Variants in PIEZO2 observed in about 807,000 individuals in gnomAD.
The protein encoded by PIEZO2 is piezo-type mechanosensitive ion channel component 2.
In PIEZO2, 172 loss-of-function variants were observed where a neutral mutation model predicts 337.3. The ratio of observed to expected loss-of-function variants is 0.51; its 90% CI spans 0.45 to 0.58. The LOEUF is 0.58. Ranked by LOEUF, PIEZO2 falls within the 20% of genes least tolerant of loss-of-function variation. The pLI is 0.00. For synonymous variants in PIEZO2, 1,251 were observed against 1,228.5 expected (o/e 1.02, Z -0.38); for missense variants, 3,028 against 3,391.3 (o/e 0.89, Z 2.66).
chr18:10,747,439 TG>T (rs1267581711), intron 30 of PIEZO2, among the ~76,000 whole-genome samples: 2 of 152,248 alleles, frequency 1.3e-5, no homozygotes, highest in Non-Finnish European at 1.5e-5. Context: ...AAATACCAGC[TG>T]TTTATATACA....
chr18:10,702,265 G>T, intron 42 of PIEZO2, 94 bp from the exon 43 acceptor site: 4 of 1,227,414 alleles, frequency 3.3e-6, no homozygotes, highest in Non-Finnish European at 4.4e-6. Flanking sequence ...TTAAGAAAGA[G>T]ACCCGCATTT....
intron 3 of PIEZO2, among the ~76,000 whole-genome samples, chr18:10,955,839 C>T (rs1409075641): frequency 6.6e-6 from 1 of 152,150 alleles, no homozygotes; most frequent in Admixed American, 6.6e-5. Flanking sequence ...TAGAACACTC[C>T]TTGAGAGCAA....
At chr18:11,036,231 A>G (rs1020557749) in intron 2 of PIEZO2, among the ~76,000 whole-genome samples, 2 of 152,216 alleles carry the variant, frequency 1.3e-5, no homozygotes, top group Admixed American at 6.5e-5. Flanking sequence ...AAGAGGTTAT[A>G]AGAATGTGGT....
At chr18:10,777,902 T>C (rs181292767) in intron 18 of PIEZO2, among the ~76,000 whole-genome samples, 37 of 152,362 alleles carry the variant, frequency 2.4e-4, no homozygotes, top group Non-Finnish European at 4.6e-4. Context: ...GGTTTGTGAA[T>C]TGAATATTAC....
intron 7 of PIEZO2, among the ~76,000 whole-genome samples, chr18:10,812,442 G>A (rs1466760622): frequency 6.6e-6 from 1 of 152,122 alleles, no homozygotes; most frequent in Non-Finnish European, 1.5e-5. Context: ...CTTATTACCT[G>A]GGTGATGAAA....
chr18:11,142,325 A>T (rs982395566), intron 1 of PIEZO2, among the ~76,000 whole-genome samples: 11 of 152,252 alleles, frequency 7.2e-5, no homozygotes, highest in African/African-American at 2.7e-4. Flanking sequence ...GACAGTTAAG[A>T]AATTATGAAA....
intron 8 of PIEZO2, among the ~76,000 whole-genome samples, chr18:10,804,238 A>C (rs897870223): frequency 6.6e-6 from 1 of 152,248 alleles, no homozygotes; most frequent in Non-Finnish European, 1.5e-5. Flanking sequence ...AATATGCTCC[A>C]TTGTTAAATA....
intron 2 of PIEZO2, among the ~76,000 whole-genome samples, chr18:10,995,801 C>T (rs2035301127): frequency 6.6e-6 from 1 of 152,108 alleles, no homozygotes; most frequent in Non-Finnish European, 1.5e-5. Flanking sequence ...GGCCACTATG[C>T]TGATTCTCTG....
At position 10,770,128 on chromosome 18, in the gene PIEZO2, T is replaced by C. The variant is rs1051878383; in HGVS notation, c.2946+20A>G. ...ACTGTGGTTCTGTTCAGCCTGATGA[T>C]AGGACAAATGTTCACTTGCCTCTTT... On this transcript the variant is annotated intron_variant, in intron 21 of 55. Transcript: ENST00000674853. The C allele has an allele frequency of 1.3e-6, 2 of 1,536,516 alleles. No individual in the cohort carries two copies. Among genetic ancestry groups the C allele is most frequent in the African/African-American group, 1.4e-5 (1 of 73,010 alleles).
intron 2 of PIEZO2, among the ~76,000 whole-genome samples, chr18:11,017,038 A>G (rs2036139933): frequency 6.6e-6 from 1 of 152,184 alleles, no homozygotes; most frequent in African/African-American, 2.4e-5. Flanking sequence ...CCTGGAGAAA[A>G]CCCTCATAAG....
chr18:10,871,437 AGGGG>A, intron 4 of PIEZO2, 22 bp from the exon 5 acceptor site: 1 of 1,520,080 alleles, frequency 6.6e-7, no homozygotes, highest in Admixed American at 2.1e-5. Context: ...AAACAAGGGG[AGGGG>A]AAAAAAATTT....
chr18:10,838,616 C>T (rs1219538372), intron 7 of PIEZO2, among the ~76,000 whole-genome samples: 1 of 152,172 alleles, frequency 6.6e-6, no homozygotes, highest in Non-Finnish European at 1.5e-5. Flanking sequence ...TGGTGGTGGA[C>T]AAATAGAGGC....
intron 2 of PIEZO2, among the ~76,000 whole-genome samples, chr18:10,992,178 G>T (rs931418820): frequency 5.3e-5 from 8 of 152,122 alleles, no homozygotes; most frequent in African/African-American, 1.9e-4. Context: ...CATTCTGTAG[G>T]TTGCCTGTTC....
intron 4 of PIEZO2, among the ~76,000 whole-genome samples, chr18:10,874,615 C>A (rs1347478202): frequency 6.6e-6 from 1 of 152,024 alleles, no homozygotes; most frequent in African/African-American, 2.4e-5. Context: ...GCTGTATATA[C>A]ACAATGGAAT....
At chr18:10,715,517 A>C in intron 38 of PIEZO2, 133 bp downstream of exon 38, 1 of 761,596 alleles carries the variant, frequency 1.3e-6, no homozygotes, top group South Asian at 2.8e-5. Flanking sequence ...AATATACAGA[A>C]AAGCAAAGGG....
chr18:11,135,568 G>A (rs1177666914), intron 1 of PIEZO2, among the ~76,000 whole-genome samples: 1 of 152,176 alleles, frequency 6.6e-6, no homozygotes, highest in Non-Finnish European at 1.5e-5. Context: ...GATTGATTTA[G>A]ATGGAGTCTA....
chr18:11,040,611 T>C (rs7230945), intron 2 of PIEZO2, among the ~76,000 whole-genome samples: 31,342 of 152,140 alleles, frequency 0.21, 3,737 homozygotes, highest in African/African-American at 0.32. Context: ...CATATTCTAA[T>C]ATGATCTATG....
At chr18:10,703,992 C>T (rs1598378147) in intron 42 of PIEZO2, among the ~76,000 whole-genome samples, 1 of 152,120 alleles carries the variant, frequency 6.6e-6, no homozygotes, top group East Asian at 1.9e-4. Context: ...TGGCGCCAGG[C>T]ATTGTGCTCG....
chr18:10,688,776 G>C (rs2143596954), intron 49 of PIEZO2, among the ~76,000 whole-genome samples: 1 of 152,074 alleles, frequency 6.6e-6, no homozygotes, highest in South Asian at 2.1e-4. Flanking sequence ...TGTGTGTCAG[G>C]ATTTCCAGAC....
Sources: allele counts gnomAD v4.1 joint callset (sites outside exome capture counted in the v4.1 genomes callset), GRCh38; gene constraint gnomAD v4.1.1; transcripts MANE v1.5; gene names NCBI Gene and HGNC (gene_info 2026-07-23, HGNC 2026-07-21).